The following ETV4 variants were observed in gnomAD, a reference collection of about 807,000 sequenced individuals.
ETV4 encodes the protein ETS variant transcription factor 4, also known as ETS translocation variant 4.
A neutral mutation model predicts 65.9 loss-of-function variants in ETV4; 42 were observed. The ratio of observed to expected loss-of-function variants is 0.64; its 90% CI spans 0.50 to 0.82. The LOEUF (loss-of-function observed/expected upper bound fraction) is 0.82. Among genes scored for constraint, ETV4 ranks in the 40% least tolerant of loss-of-function variants. ETV4 has a pLI of 0.00. For synonymous variants in ETV4, 238 were observed against 260.0 expected, an observed-to-expected ratio of 0.92 and a Z score of 0.81; for missense variants, 583 against 630.3, an observed-to-expected ratio of 0.92 and a Z score of 0.80.
At chr17:43,545,805 G>T in intron 1 of ETV4, 137 bp from the exon 2 acceptor site, 1 of 608,768 alleles carries the variant, frequency 1.6e-6, no homozygotes, top group Non-Finnish European at 2.9e-6. Flanking sequence ...GTTTCCGCCT[G>T]CCAGGCCGAG....
Position 43,533,319 on chromosome 17 carries a change from ATGGCGATTTGTC to A in ETV4, c.401_412del (p.Arg134_Ala137del). ...AAGGGCACCAGGGGCAGGGGACTTG[ATGGCGATTTGTC>A]TGGGGGGGTCATAGGCACTGGAGTT... On this transcript the variant is annotated inframe_deletion, in exon 7 of 13. Transcript: ENST00000319349. The A allele has an allele frequency of 6.2e-7, 1 of 1,613,740 alleles. No homozygotes were observed. The highest frequency in any genetic ancestry group is 8.5e-7 in the Non-Finnish European group (1 of 1,179,818).
chr17:43,545,626 T>G lies in ETV4; in HGVS notation c.-9A>C. The G allele has an allele frequency of 6.5e-7, 1 of 1,547,100 alleles. No homozygotes were observed. Among genetic ancestry groups the G allele is most frequent in the Non-Finnish European group, 8.7e-7 (1 of 1,145,380 alleles). ...TTCATCCTCCGCTCCATCCGGCCGC[T>G]CCCTCCGGCCGCACGGCCGGGGCCC... On this transcript the variant is annotated 5_prime_UTR_variant, in exon 2 of 13. Transcript: ENST00000319349.
chr17:43,530,635 T>TGTGTGTGA (rs765730921), intron 8 of ETV4, among the ~76,000 whole-genome samples: 5 of 149,720 alleles, frequency 3.3e-5, no homozygotes, highest in Non-Finnish European at 5.9e-5. Flanking sequence ...TGTGTGTGTG[T>TGTGTGTGA]GACAGAAACA....
Position 43,545,679 on chromosome 17 carries a change from A to T in ETV4, c.-51-11T>A. The T allele has an allele frequency of 7.9e-7, 1 of 1,268,502 alleles. No homozygotes were observed. Among genetic ancestry groups the T allele is most frequent in the African/African-American group, 1.6e-5 (1 of 63,096 alleles). 78.6% of individuals were successfully genotyped at this position (1,268,502 alleles called of 1,614,324 possible). On this transcript the variant is annotated splice_polypyrimidine_tract_variant and intron_variant, in intron 1 of 12. Coordinates refer to ENST00000319349, the MANE Select transcript of ETV4 (RefSeq NM_001079675.5). ...AGCGGGGGCCGAGACCTGGTGGGGG[A>T]GGGGGCTGCGTTCGCACACCGTCCA...
intron 4 of ETV4, among the ~76,000 whole-genome samples, chr17:43,539,991 ATAATACTTTG>A (rs1181389671): frequency 1.3e-5 from 2 of 152,206 alleles, no homozygotes; most frequent in African/African-American, 4.8e-5. Flanking sequence ...AGTCAACATA[ATAATACTTTG>A]GTCTGAAGTG....
intron 4 of ETV4, chr17:43,543,809 G>A (rs572263859): frequency 6.6e-6 from 1 of 152,312 alleles, no homozygotes; most frequent in South Asian, 2.1e-4. Flanking sequence ...TGTCTTGAGT[G>A]CTTGCTCTAT....
At chr17:43,542,978 G>A (rs1299880818) in intron 4 of ETV4, among the ~76,000 whole-genome samples, 1 of 152,146 alleles carries the variant, frequency 6.6e-6, no homozygotes, top group Non-Finnish European at 1.5e-5. Context: ...GACCTGGTGG[G>A]AAGAGACAGG....
intron 4 of ETV4, among the ~76,000 whole-genome samples, chr17:43,542,199 C>G (rs762315250): frequency 6.6e-6 from 1 of 152,098 alleles, no homozygotes; most frequent in Middle Eastern, 3.2e-3. Flanking sequence ...CTGATAAAAG[C>G]TATGGGTCAT....
intron 9 of ETV4, 41 bp downstream of exon 9, chr17:43,530,066 C>A (rs773060276): frequency 1.2e-6 from 2 of 1,611,052 alleles, no homozygotes; most frequent in African/African-American, 1.3e-5. Context: ...GCTCCCTCCC[C>A]CAACATGGAG....
chr17:43,531,753 T>G (rs1970949093), intron 8 of ETV4, among the ~76,000 whole-genome samples: 1 of 152,174 alleles, frequency 6.6e-6, no homozygotes, highest in Non-Finnish European at 1.5e-5. Flanking sequence ...TATTGAGAAC[T>G]AGCAAGAACC....
At chr17:43,536,402 C>G in intron 5 of ETV4, 24 bp downstream of exon 5, 1 of 1,610,078 alleles carries the variant, frequency 6.2e-7, no homozygotes, top group Admixed American at 1.7e-5. Flanking sequence ...TCCCTATACC[C>G]TCTCCCCAGG....
intron 12 of ETV4, among the ~76,000 whole-genome samples, 190 bp from the exon 13 acceptor site, chr17:43,528,933 C>T (rs986074149): frequency 5.3e-5 from 8 of 152,164 alleles, no homozygotes; most frequent in African/African-American, 1.9e-4. Flanking sequence ...CTCAACTTCT[C>T]CATGCTTGGG....
In ETV4 at chr17:43,533,175, C is replaced by T. The variant is rs747477562; in HGVS notation, c.545+12G>A. On this transcript the variant is annotated intron_variant, in intron 7 of 12. Transcript: ENST00000319349. ...CTGGGCCCATGAGCAGTGGGTTTCCCTGTCTCCTTACCTATGTTCCCCGAG... is the reference window on the plus strand; with the variant it reads ...CTGGGCCCATGAGCAGTGGGTTTCCTTGTCTCCTTACCTATGTTCCCCGAG... 1.2e-6 allele frequency: 2 copies of T among 1,613,152 alleles called. No homozygotes were observed. The highest frequency in any genetic ancestry group is 2.7e-5 in the African/African-American group (2 of 74,828).
intron 4 of ETV4, among the ~76,000 whole-genome samples, chr17:43,539,605 A>G (rs1391322427): frequency 1.3e-5 from 2 of 152,168 alleles, no homozygotes; most frequent in African/African-American, 4.8e-5. Flanking sequence ...CAGTGCTGTT[A>G]TTTCTTGACT....
Position 43,528,564 on chromosome 17 carries a change from A to C in ETV4, c.1410T>G (p.Ala470=), listed in dbSNP as rs1567704341. ...DESPAYLPEL[A]GPAQPFGPKG... ...TGGGGCCAAATGGCTGGGCGGGGCC[A>C]GCCAGCTCTGGGAGGTAGGCGGGGC... The change falls in exon 13 of 13, where the codon GCT becomes GCG. Residue 470 remains alanine (A), a synonymous_variant. Coordinates refer to ENST00000319349, the MANE Select transcript of ETV4 (RefSeq NM_001079675.5). 1 of 1,613,686 alleles carries C rather than the reference A, an allele frequency of 6.2e-7. No individual in the cohort carries two copies. The highest frequency in any genetic ancestry group is 2.2e-5 in the East Asian group (1 of 44,872).
At chr17:43,532,023 A>G (rs1440269820) in intron 8 of ETV4, among the ~76,000 whole-genome samples, 1 of 152,074 alleles carries the variant, frequency 6.6e-6, no homozygotes. Flanking sequence ...CCTTTATTTT[A>G]ATTTTACTTT....
Position 43,528,619 on chromosome 17 carries a change from T to A in ETV4, c.1355A>T (p.Asp452Val). ...ATCCAAGTGGGACAAAGGGACTGTGTCCTCCTCACTGACAGGCCGGTCAAA... is the reference window on the plus strand; with the variant it reads ...ATCCAAGTGGGACAAAGGGACTGTGACCTCCTCACTGACAGGCCGGTCAAA... ...AEFDRPVSEEDTVPLSHLDES... is the reference protein window; with the variant it reads ...AEFDRPVSEEVTVPLSHLDES... The change falls in exon 13 of 13, where the codon GAC becomes GTC. Residue 452 changes from aspartate (D) to valine (V), a missense_variant. By Grantham distance (152) the Asp-to-Val change is radical. Transcript: ENST00000319349. 6.2e-7 allele frequency: 1 copy of A among 1,613,904 alleles called. No individual in the cohort carries two copies. The highest frequency in any genetic ancestry group is 8.5e-7 in the Non-Finnish European group (1 of 1,179,866).
At chr17:43,540,156 T>C (rs544063357) in intron 4 of ETV4, among the ~76,000 whole-genome samples, 52 of 152,140 alleles carry the variant, frequency 3.4e-4, no homozygotes, top group Non-Finnish European at 6.8e-4. Context: ...AGGACGTTGT[T>C]AAAAACACGA....
intron 6 of ETV4, 106 bp downstream of exon 6, chr17:43,533,753 G>T: frequency 7.0e-7 from 1 of 1,418,942 alleles, no homozygotes; most frequent in Non-Finnish European, 9.5e-7. Flanking sequence ...AATCCTTTCT[G>T]TTGTCTAACT....
Sources: gnomAD v4.1 joint callset for allele counts (sites outside exome capture counted in the v4.1 genomes callset) on GRCh38, gnomAD v4.1.1 for gene constraint, MANE v1.5 for transcripts, NCBI Gene and HGNC (gene_info 2026-07-23, HGNC 2026-07-21) for gene names.